The following ACAA2 variants were observed in gnomAD, a reference collection of about 807,000 sequenced individuals.
The protein encoded by ACAA2 is 3-ketoacyl-CoA thiolase, mitochondrial.
In ACAA2, 35 loss-of-function variants were observed where a neutral mutation model predicts 44.8. The observed-to-expected ratio is 0.78, with a 90% CI of 0.60 to 1.04. ACAA2 has a LOEUF of 1.04. Ranked by LOEUF, ACAA2 falls within the 50% of genes least tolerant of loss-of-function variation. ACAA2 has a pLI of 0.00. For synonymous variants in ACAA2, 142 were observed against 166.5 expected (o/e 0.85, Z 1.13); for missense variants, 468 against 482.6 (o/e 0.97, Z 0.28).
chr18:49,800,191 C>G (rs1432063834), intron 2 of ACAA2, among the ~76,000 whole-genome samples: 2 of 142,022 alleles, frequency 1.4e-5, no homozygotes, highest in Admixed American at 6.8e-5. Flanking sequence ...GTCAGCCCCC[C>G]GCCCGGCCAG....
At chr18:49,785,734 GTGTGAAAA>G (rs1168884775) in intron 8 of ACAA2, 1 of 204,798 alleles carries the variant, frequency 4.9e-6, no homozygotes, top group Non-Finnish European at 9.7e-6. Context: ...ACGTTTCCGC[GTGTGAAAA>G]TGTGACTGTG....
intron 7 of ACAA2, among the ~76,000 whole-genome samples, chr18:49,789,362 A>G (rs2023371435): frequency 6.6e-6 from 1 of 152,190 alleles, no homozygotes; most frequent in African/African-American, 2.4e-5. Context: ...TACTTTGTTT[A>G]ATCCCATCAC....
Position 49,783,804 on chromosome 18 carries a change from C to T in ACAA2, c.*43G>A. The T allele has an allele frequency of 6.4e-7, 1 of 1,559,058 alleles. No individual in the cohort carries two copies. Among genetic ancestry groups the T allele is most frequent in the Non-Finnish European group, 8.8e-7 (1 of 1,132,990 alleles). On this transcript the variant is annotated 3_prime_UTR_variant, in exon 10 of 10. Transcript: ENST00000285093. ...GGTCACTTGTTTTACTGTGGCCTGG[C>T]CAAGTAGAGTAAGGATGGGTCACAG...
chr18:49,802,539 C>G (rs113234714), intron 2 of ACAA2, 148 bp downstream of exon 2: 1 of 686,972 alleles, frequency 1.5e-6, no homozygotes, highest in Admixed American at 4.6e-5. Context: ...TCCAGCCTGG[C>G]GGCAGAGCGA....
intron 5 of ACAA2, among the ~76,000 whole-genome samples, chr18:49,793,837 G>A (rs747067453): frequency 6.6e-6 from 1 of 152,242 alleles, no homozygotes; most frequent in African/African-American, 2.4e-5. Flanking sequence ...AATTAGGAGT[G>A]GCAGAAGGAA....
At chr18:49,812,013 T>C (rs535416654) in intron 1 of ACAA2, among the ~76,000 whole-genome samples, 1 of 152,260 alleles carries the variant, frequency 6.6e-6, no homozygotes, top group South Asian at 2.1e-4. Flanking sequence ...TCAGTAAAAA[T>C]ATTATTTCCT....
intron 1 of ACAA2, among the ~76,000 whole-genome samples, chr18:49,807,695 G>A (rs1383733616): frequency 6.6e-6 from 1 of 152,026 alleles, no homozygotes; most frequent in Non-Finnish European, 1.5e-5. Flanking sequence ...AGCCAAGCAT[G>A]GTGGTGTGTG....
At chr18:49,793,743 T>C (rs138980464) in intron 5 of ACAA2, among the ~76,000 whole-genome samples, 2 of 152,348 alleles carry the variant, frequency 1.3e-5, no homozygotes, top group East Asian at 3.9e-4. Context: ...ACCGGCTCTA[T>C]AGCAACCTGC....
chr18:49,795,636 T>C (rs938072308), intron 4 of ACAA2, 129 bp downstream of exon 4: 20 of 541,916 alleles, frequency 3.7e-5, no homozygotes, highest in African/African-American at 2.3e-4. Flanking sequence ...TAATCATTCA[T>C]ATCTTGCCAA....
At chr18:49,799,939 C>G (rs572668717) in intron 2 of ACAA2, among the ~76,000 whole-genome samples, 1 of 150,402 alleles carries the variant, frequency 6.6e-6, no homozygotes. Context: ...ACCCTCTGCC[C>G]GGCAACCGCC....
At chr18:49,799,743 T>C (rs1417549820) in intron 2 of ACAA2, among the ~76,000 whole-genome samples, 4 of 149,298 alleles carry the variant, frequency 2.7e-5, no homozygotes, top group South Asian at 2.1e-4. Flanking sequence ...CGTCTCTGCC[T>C]GGCCGCCATC....
At chr18:49,786,967 A>T (rs2023337677) in intron 8 of ACAA2, among the ~76,000 whole-genome samples, 1 of 152,138 alleles carries the variant, frequency 6.6e-6, no homozygotes, top group South Asian at 2.1e-4. Context: ...ATATTTTTTC[A>T]CTTTAATATT....
chr18:49,792,149 A>C lies in ACAA2; in HGVS notation c.753+3T>G, dbSNP rs1032669881. 3 of 1,611,800 alleles carry C rather than the reference A, an allele frequency of 1.9e-6. No homozygotes were observed. The highest frequency in any genetic ancestry group is 1.7e-5 in the Admixed American group (1 of 59,858). ...TCAAGCTAATCTGTGTGGTGATACCAACCGATGCATTCCCTGCAGTAACAG... is the reference window on the plus strand; with the variant it reads ...TCAAGCTAATCTGTGTGGTGATACCCACCGATGCATTCCCTGCAGTAACAG... On this transcript the variant is annotated splice_donor_region_variant and intron_variant, in intron 6 of 9. Coordinates refer to ENST00000285093, the MANE Select transcript of ACAA2 (RefSeq NM_006111.3).
At chr18:49,784,788 G>GCTTAGATTTCATAAAT (rs2023308018) in intron 9 of ACAA2, among the ~76,000 whole-genome samples, 1 of 152,118 alleles carries the variant, frequency 6.6e-6, no homozygotes, top group African/African-American at 2.4e-5. Flanking sequence ...ATGTCAGTTT[G>GCTTAGATTTCATAAAT]CTTAGATTTC....
chr18:49,813,503 G>T lies in ACAA2; in HGVS notation c.-19C>A. The T allele has an allele frequency of 1.6e-6, 2 of 1,240,158 alleles. No individual in the cohort carries two copies. Among genetic ancestry groups the T allele is most frequent in the Non-Finnish European group, 2.0e-6 (2 of 988,054 alleles). The allele number at this position is 1,240,158 out of a possible 1,614,324, so 76.8% of individuals were successfully genotyped here. On this transcript the variant is annotated 5_prime_UTR_variant, in exon 1 of 10. Transcript: ENST00000285093. ...GAGCCATGGCGGCTGCTGGGTCGTC[G>T]GCGGCGCGGGTCTGTGGTGTGGGGG...
intron 3 of ACAA2, among the ~76,000 whole-genome samples, chr18:49,796,961 T>C (rs570049669): frequency 2.1e-5 from 2 of 96,038 alleles, no homozygotes; most frequent in South Asian, 3.1e-4. Flanking sequence ...TTTAAAAATA[T>C]TGAAGTATAT....
chr18:49,789,323 A>C (rs2143950692), intron 7 of ACAA2, among the ~76,000 whole-genome samples: 1 of 152,232 alleles, frequency 6.6e-6, no homozygotes, highest in East Asian at 1.9e-4. Context: ...TATTCTCCCC[A>C]CTTATTCATC....
chr18:49,801,812 A>ATATATATATATATATATATC (rs1347357878), intron 2 of ACAA2, among the ~76,000 whole-genome samples: 24 of 143,302 alleles, frequency 1.7e-4, no homozygotes, highest in Admixed American at 4.2e-4. Context: ...ATATATATAT[A>ATATATATATATATATATATC]TATCTTATCT....
chr18:49,804,399 C>T (rs1363124944), intron 1 of ACAA2, among the ~76,000 whole-genome samples: 1 of 152,156 alleles, frequency 6.6e-6, no homozygotes, highest in Non-Finnish European at 1.5e-5. Flanking sequence ...GAACTATTAT[C>T]TTTTACTCTT....
Sources: gnomAD v4.1 joint callset for allele counts (sites outside exome capture counted in the v4.1 genomes callset) on GRCh38, gnomAD v4.1.1 for gene constraint, MANE v1.5 for transcripts, NCBI Gene and HGNC (gene_info 2026-07-23, HGNC 2026-07-21) for gene names.